The following CCDC144A variants were observed in gnomAD, a reference collection of about 807,000 sequenced individuals.
CCDC144A encodes coiled-coil domain containing 144A.
A neutral mutation model predicts 143.8 loss-of-function variants in CCDC144A; 41 were observed. That is an observed-to-expected ratio of 0.29 (90% confidence interval 0.22 to 0.37). The LOEUF is 0.37. Among genes scored for constraint, CCDC144A ranks in the 10% least tolerant of loss-of-function variants. The pLI, the probability that CCDC144A is intolerant of heterozygous loss-of-function variation, is 1.00. For synonymous variants in CCDC144A, 242 were observed against 517.9 expected (o/e 0.47, Z 7.23); for missense variants, 637 against 1,488.8 (o/e 0.43, Z 9.41).
chr17:16,753,378 A>G (rs1450048697), intron 12 of CCDC144A, among the ~76,000 whole-genome samples: 2 of 149,064 alleles, frequency 1.3e-5, no homozygotes, highest in Non-Finnish European at 3.0e-5. Flanking sequence ...TGAGCATGCA[A>G]TATCTTCCAT....
intron 2 of CCDC144A, among the ~76,000 whole-genome samples, chr17:16,694,253 A>C (rs1259043924): frequency 6.6e-6 from 1 of 152,194 alleles, no homozygotes; most frequent in African/African-American, 2.4e-5. Context: ...GAAACTCGGC[A>C]ATACCTTTCT....
rs145246700 is a variant in CCDC144A at position 16,768,060 on chromosome 17, A to G, written c.4098+3885A>G. On this transcript the variant is annotated intron_variant, in intron 15 of 16. Coordinates refer to ENST00000399273, the MANE Select transcript of CCDC144A (RefSeq NM_001382000.1). ...AGAGCTTATATACCTTCTAAGCTAT[A>G]TATCTACATGTAAGTGTGCATTCGT... 7.0e-3 allele frequency among the ~76,000 whole-genome samples: 1,064 copies of G among 152,368 alleles called. 15 individuals are homozygous for G. Among genetic ancestry groups the G allele is most frequent in the African/African-American group, 0.025 (1,031 of 41,562 alleles).
At chr17:16,722,456 A>T in intron 8 of CCDC144A, among the ~76,000 whole-genome samples, 1 of 151,894 alleles carries the variant, frequency 6.6e-6, no homozygotes, top group Non-Finnish European at 1.5e-5. Flanking sequence ...TAGCCTCCAC[A>T]ATTATCAATA....
rs1200633008 is a variant in CCDC144A, at chr17:16,711,664, A to C, written c.1579-15A>C. 1.2e-6 allele frequency: 2 copies of C among 1,609,786 alleles called. No homozygotes were observed. Among genetic ancestry groups the C allele is most frequent in the South Asian group, 1.1e-5 (1 of 90,460 alleles). On this transcript the variant is annotated splice_polypyrimidine_tract_variant and intron_variant, in intron 5 of 16. Transcript: ENST00000399273. Reference sequence around the variant, plus strand: ...AGCAATAACAATCATCCTGAACATCAAACTCTCACTCAAGGTTGAAGAAGA... The same window carrying C: ...AGCAATAACAATCATCCTGAACATCCAACTCTCACTCAAGGTTGAAGAAGA...
intron 12 of CCDC144A, among the ~76,000 whole-genome samples, chr17:16,751,966 T>G (rs912783803): frequency 1.3e-5 from 2 of 152,204 alleles, no homozygotes; most frequent in Non-Finnish European, 2.9e-5. Context: ...TCAACTGGAC[T>G]GTTAGCTGTT....
intron 2 of CCDC144A, among the ~76,000 whole-genome samples, chr17:16,703,047 A>C (rs1334305052): frequency 6.6e-6 from 1 of 152,240 alleles, no homozygotes; most frequent in Non-Finnish European, 1.5e-5. Context: ...AATTACCCTT[A>C]ATAACTATAT....
At chr17:16,703,732 G>T (rs2143089044) in intron 2 of CCDC144A, among the ~76,000 whole-genome samples, 1 of 152,212 alleles carries the variant, frequency 6.6e-6, no homozygotes, top group Non-Finnish European at 1.5e-5. Context: ...GAACCCGGCA[G>T]GTGGAGCTTG....
chr17:16,733,109 C>T (rs1387822206), intron 11 of CCDC144A, among the ~76,000 whole-genome samples: 1 of 151,680 alleles, frequency 6.6e-6, no homozygotes, highest in Non-Finnish European at 1.5e-5. Context: ...CTTCAGATGC[C>T]GTTTCCCTTA....
At chr17:16,744,416 T>C (rs1310171843) in intron 12 of CCDC144A, among the ~76,000 whole-genome samples, 1 of 152,206 alleles carries the variant, frequency 6.6e-6, no homozygotes, top group Non-Finnish European at 1.5e-5. Context: ...TGGTGTGAGA[T>C]GGTATGTCAT....
At chr17:16,737,391 C>T (rs112729386) in intron 12 of CCDC144A, 81,028 of 803,690 alleles carry the variant, frequency 0.1, 7,395 homozygotes, top group African/African-American at 0.36. Context: ...TGGTCTCGAT[C>T]TCCTGACCTC....
rs542652381 is a variant in CCDC144A, at chr17:16,717,444, T to C, written c.1716-2754T>C. 1.5e-3 allele frequency among the ~76,000 whole-genome samples: 224 copies of C among 152,198 alleles called. 1 individual carries two copies. The highest frequency in any genetic ancestry group is 5.1e-3 in the African/African-American group (213 of 41,554). ...TTTTTAGTGTGGCATTCATCTTCCA[T>C]TCTTACTTTCTTTGTGTTTTACACT... is the stretch of plus-strand genomic sequence containing the variant. On this transcript the variant is annotated intron_variant, in intron 6 of 16. Transcript: ENST00000399273.
chr17:16,753,440 T>G (rs58917659), intron 12 of CCDC144A, among the ~76,000 whole-genome samples: 174 of 133,698 alleles, frequency 1.3e-3, no homozygotes, highest in African/African-American at 3.0e-3. Flanking sequence ...TTTTTTTTTT[T>G]TTTTTTTTTT....
intron 9 of CCDC144A, among the ~76,000 whole-genome samples, chr17:16,729,856 CA>C (rs753478971): frequency 0.12 from 13,596 of 110,822 alleles, 759 homozygotes; most frequent in Non-Finnish European, 0.14. Context: ...GACTCTGTCT[CA>C]AAAAAAAAAA....
At chr17:16,693,607 G>C (rs1274392937) in intron 2 of CCDC144A, among the ~76,000 whole-genome samples, 38 of 152,016 alleles carry the variant, frequency 2.5e-4, no homozygotes, top group Non-Finnish European at 1.2e-4. Context: ...GAGCCACCGC[G>C]CCCGGCCAAG....
At chr17:16,753,303 G>A (rs1267901513) in intron 12 of CCDC144A, among the ~76,000 whole-genome samples, 3 of 151,764 alleles carry the variant, frequency 2.0e-5, no homozygotes, top group Non-Finnish European at 4.4e-5. Context: ...ATTTAATAGA[G>A]CTTGCGTTCA....
chr17:16,718,988 T>C (rs1912933810), intron 6 of CCDC144A, among the ~76,000 whole-genome samples: 1 of 141,926 alleles, frequency 7.0e-6, no homozygotes, highest in Non-Finnish European at 1.5e-5. Context: ...CCCGCCACCG[T>C]GCCCAGCTAA....
At chr17:16,675,958 C>T in the CCDC144A span, among the ~76,000 whole-genome samples, 1 of 151,570 alleles carries the variant, frequency 6.6e-6, no homozygotes, top group Non-Finnish European at 1.5e-5. Context: ...CCGTGATAGC[C>T]AAGATGGTCT....
intron 1 of CCDC144A, chr17:16,691,874 T>C (rs549806755): frequency 6.6e-6 from 1 of 152,252 alleles, no homozygotes; most frequent in Non-Finnish European, 1.5e-5. Context: ...TGCATAAGGA[T>C]GATGCACAGA....
intron 12 of CCDC144A, among the ~76,000 whole-genome samples, chr17:16,738,381 G>A (rs867020920): frequency 7.1e-6 from 1 of 141,426 alleles, no homozygotes; most frequent in African/African-American, 2.7e-5. Flanking sequence ...CCCATTGAAC[G>A]TGTACAATTC....
Sources: allele counts gnomAD v4.1 joint callset (sites outside exome capture counted in the v4.1 genomes callset), GRCh38; gene constraint gnomAD v4.1.1; transcripts MANE v1.5; gene names NCBI Gene and HGNC (gene_info 2026-07-23, HGNC 2026-07-21).